The following CTTNBP2 variants were observed in gnomAD, a reference collection of about 807,000 sequenced individuals.
CTTNBP2 encodes the protein cortactin binding protein 2.
Under a neutral mutation model 156.9 loss-of-function variants are expected in CTTNBP2, and 108 were observed. That is an observed-to-expected ratio of 0.69 (90% CI 0.59 to 0.81). The LOEUF is 0.81. CTTNBP2 is among the 30% of genes least tolerant of loss of function. The pLI, the probability that CTTNBP2 is intolerant of heterozygous loss-of-function variation, is 0.00. For synonymous variants in CTTNBP2, 767 were observed against 751.8 expected, an observed-to-expected ratio of 1.02 and a Z score of -0.33; for missense variants, 1,924 against 2,035.4, an observed-to-expected ratio of 0.95 and a Z score of 1.05.
intron 6 of CTTNBP2, 55 bp from the exon 7 acceptor site, chr7:117,780,646 C>T: frequency 1.8e-6 from 2 of 1,092,038 alleles, no homozygotes; most frequent in Non-Finnish European, 2.6e-6. Context: ...CTTTGAAGCA[C>T]CACCTAACCA....
chr7:117,819,975 T>C (rs1268521969), intron 2 of CTTNBP2, among the ~76,000 whole-genome samples: 2 of 152,210 alleles, frequency 1.3e-5, no homozygotes, highest in African/African-American at 2.4e-5. Context: ...CATGAAAGGC[T>C]TGGTTGCACA....
In CTTNBP2 at chr7:117,724,532, A is replaced by G. The variant is rs531949690; in HGVS notation, c.4447+15T>C. On this transcript the variant is annotated intron_variant, in intron 19 of 22. Coordinates refer to ENST00000160373, the MANE Select transcript of CTTNBP2 (RefSeq NM_033427.3). ...CCACCTCCTGGTAGGCAACATGCCT[A>G]CCCCCGCCCTTTACCTTCAGTGCTT... is the stretch of plus-strand genomic sequence containing the variant. 1 of 1,592,786 alleles carries G rather than the reference A, an allele frequency of 6.3e-7. No individual in the cohort carries two copies. Among genetic ancestry groups the G allele is most frequent in the Admixed American group, 1.8e-5 (1 of 55,346 alleles).
Position 117,795,093 on chromosome 7 carries a change from T to G in CTTNBP2, c.415-2312A>C, listed in dbSNP as rs368617149. ...TTGTATTTTTAGTAGAGACGGGGTTTCACCTTGTTAGCCAGGATGGTCTCG... is the reference window on the plus strand; with the variant it reads ...TTGTATTTTTAGTAGAGACGGGGTTGCACCTTGTTAGCCAGGATGGTCTCG... On this transcript the variant is annotated intron_variant, in intron 3 of 22. Coordinates refer to ENST00000160373, the MANE Select transcript of CTTNBP2 (RefSeq NM_033427.3). Among the ~76,000 whole-genome samples, 377 of 150,814 alleles carry G rather than the reference T, an allele frequency of 2.5e-3. 6 individuals carry two copies. The highest frequency in any genetic ancestry group is 8.9e-3 in the African/African-American group (364 of 41,058).
chr7:117,780,557 T>G lies in CTTNBP2; in HGVS notation c.2407A>C (p.Ile803Leu). The G allele has an allele frequency of 6.3e-7, 1 of 1,590,868 alleles. No individual in the cohort carries two copies. ...TGTCCTCCATCAGCAGCATGATTAA[T>G]GTTAGCATCATATGAAATTAATAAT... ...VELLISYDAN[I>L]NHAADGGQTP... is the part of the protein sequence containing the mutation. Residue 803 changes from isoleucine to leucine, a missense_variant, in exon 7 of 23, where the codon ATT (isoleucine) becomes CTT (leucine). Transcript: ENST00000160373.
At chr7:117,750,345 C>T (rs1350220237) in intron 12 of CTTNBP2, among the ~76,000 whole-genome samples, 4 of 152,166 alleles carry the variant, frequency 2.6e-5, no homozygotes, top group Non-Finnish European at 5.9e-5. Flanking sequence ...AGGAAACATT[C>T]AATTTAAAAT....
chr7:117,860,666 T>A (rs1803666268), intron 2 of CTTNBP2, among the ~76,000 whole-genome samples: 1 of 152,176 alleles, frequency 6.6e-6, no homozygotes, highest in South Asian at 2.1e-4. Context: ...TTAAGTAATA[T>A]ATTCTTTGTA....
intron 3 of CTTNBP2, among the ~76,000 whole-genome samples, chr7:117,802,783 T>C (rs1799707400): frequency 6.6e-6 from 1 of 152,110 alleles, no homozygotes; most frequent in South Asian, 2.1e-4. Flanking sequence ...CATGAAACAA[T>C]GCTCTATATC....
intron 17 of CTTNBP2, among the ~76,000 whole-genome samples, chr7:117,726,288 G>A (rs533276455): frequency 6.6e-6 from 1 of 152,306 alleles, no homozygotes; most frequent in South Asian, 2.1e-4. Flanking sequence ...CTTAGACATT[G>A]CATAAAACTT....
rs746326027 is a variant in CTTNBP2, at chr7:117,792,543, C to T, written c.653G>A (p.Arg218Gln). 3.9e-5 allele frequency: 63 copies of T among 1,614,062 alleles called. No individual in the cohort carries two copies. The highest frequency in any genetic ancestry group is 4.7e-5 in the Non-Finnish European group (55 of 1,180,034). The stretch of plus-strand genomic sequence containing the variant: ...CTGAGCTTCCATTTCTGTGCTTCTT[C>T]GTTTCTCAGCGGAGAGTTCCTCTTC... ...ELEEELSAEK[R>Q]RSTEMEAQME... The change falls in exon 4 of 23, where the codon CGA (arginine) becomes CAA (glutamine). Residue 218 changes from arginine to glutamine, a missense_variant. Transcript: ENST00000160373. This position sits in a 1 kb window ranked among gnomAD's most constrained non-coding sequence, Gnocchi z 4.2.
chr7:117,834,894 A>G (rs559841416), intron 2 of CTTNBP2, among the ~76,000 whole-genome samples: 1 of 152,352 alleles, frequency 6.6e-6, no homozygotes, highest in South Asian at 2.1e-4. Context: ...TACTTACTCA[A>G]AACAAAATAA....
chr7:117,868,744 G>A (rs901998035), intron 1 of CTTNBP2, among the ~76,000 whole-genome samples: 2 of 152,100 alleles, frequency 1.3e-5, no homozygotes, highest in African/African-American at 2.4e-5. Flanking sequence ...TAATGTAATC[G>A]AGTATGTTCA....
intron 8 of CTTNBP2, among the ~76,000 whole-genome samples, chr7:117,773,705 A>ACACACC: frequency 7.8e-6 from 1 of 127,652 alleles, no homozygotes; most frequent in Non-Finnish European, 1.6e-5. Flanking sequence ...ACACACACAC[A>ACACACC]CACCCCAAAA....
At chr7:117,758,180 A>G (rs1189742585) in intron 10 of CTTNBP2, 22 of 545,316 alleles carry the variant, frequency 4.0e-5, no homozygotes, top group Non-Finnish European at 7.1e-5. Flanking sequence ...TTCAATCTAC[A>G]GACTTCTCCA....
chr7:117,846,572 G>GA (rs948095319), intron 2 of CTTNBP2, among the ~76,000 whole-genome samples: 11 of 148,380 alleles, frequency 7.4e-5, no homozygotes, highest in Admixed American at 6.0e-4. Context: ...AAAGAAAAAA[G>GA]AAAAAAAAAG....
chr7:117,711,873 G>A, intron 22 of CTTNBP2, 91 bp from the exon 23 acceptor site: 1 of 1,293,288 alleles, frequency 7.7e-7, no homozygotes, highest in Non-Finnish European at 1.1e-6. Flanking sequence ...ATGTACAGGA[G>A]TTTCTCTCTA....
intron 2 of CTTNBP2, among the ~76,000 whole-genome samples, chr7:117,859,497 A>G (rs1399918954): frequency 6.6e-6 from 1 of 152,186 alleles, no homozygotes; most frequent in African/African-American, 2.4e-5. Context: ...CAGAAGGACC[A>G]AAAAATATAT....
In CTTNBP2 at chr7:117,721,091, C is replaced by T; in HGVS notation, c.4487G>A (p.Arg1496Lys). 6.2e-7 allele frequency: 1 copy of T among 1,606,866 alleles called. No homozygotes were observed. Residue 1496 changes from arginine to lysine, a missense_variant, in exon 20 of 23, where the codon AGG becomes AAG. Arg to Lys is a conservative substitution (Grantham distance 26). Transcript: ENST00000160373. ...CTTTTGTTTTGACAGAGAAGCATTC[C>T]TGTTACAATTCAGCTGTGATATAGT... ...NKTISQLNCN[R>K]NASLSKQKSL...
rs1342301700 is a variant in CTTNBP2, at chr7:117,791,932, C to G, written c.1264G>C (p.Ala422Pro). The part of the protein sequence containing the change: ...TPGIAPQNSQ[A>P]PPMHSLHSPC... The stretch of plus-strand genomic sequence containing the variant: ...GAATGTAAACTGTGCATAGGTGGAG[C>G]TTGCGAGTTCTGAGGAGCTATGCCT... Residue 422 changes from alanine (A) to proline (P), a missense_variant, in exon 4 of 23, where the codon GCT becomes CCT. Physicochemically the swap from Ala to Pro is conservative, Grantham distance 27. Transcript: ENST00000160373. The G allele has an allele frequency of 6.2e-7, 1 of 1,614,084 alleles. No homozygotes were observed. The highest frequency in any genetic ancestry group is 8.5e-7 in the Non-Finnish European group (1 of 1,180,026).
chr7:117,861,438 G>A (rs1483008717), intron 1 of CTTNBP2, 122 bp from the exon 2 acceptor site: 1 of 664,268 alleles, frequency 1.5e-6, no homozygotes. Context: ...AGGCACCGGG[G>A]TACTATTTGC....
Sources: allele counts gnomAD v4.1 joint callset (sites outside exome capture counted in the v4.1 genomes callset), GRCh38; gene constraint gnomAD v4.1.1; non-coding constraint Gnocchi (gnomAD v3.1); transcripts MANE v1.5; gene names NCBI Gene and HGNC (gene_info 2026-07-23, HGNC 2026-07-21).